The following XKR3 variants were observed in gnomAD, a reference collection of about 807,000 sequenced individuals.
The protein encoded by XKR3 is XK related 3, also known as XK-related protein 3.
In XKR3, 27 loss-of-function variants were observed where a neutral mutation model predicts 40.3. That is an observed-to-expected ratio of 0.67 (90% CI 0.49 to 0.92). The LOEUF (loss-of-function observed/expected upper bound fraction) is 0.92, where lower values mean the gene tolerates loss of function less well. Among genes scored for constraint, XKR3 ranks in the 40% least tolerant of loss-of-function variants. The probability of loss-of-function intolerance (pLI) is 0.00; values close to 1 mark genes in which losing one functional copy is unlikely to be tolerated. For synonymous variants in XKR3, 193 were observed against 195.4 expected (o/e 0.99, Z 0.10); for missense variants, 472 against 537.6 (o/e 0.88, Z 1.21).
intron 3 of XKR3, among the ~76,000 whole-genome samples, chr22:16,785,983 T>G (rs2060088650): frequency 6.6e-6 from 1 of 152,150 alleles, no homozygotes; most frequent in Non-Finnish European, 1.5e-5. Flanking sequence ...TCTAACACCA[T>G]TTAGAAAATG....
chr22:16,796,583 TA>T (rs1193272800), intron 3 of XKR3, among the ~76,000 whole-genome samples: 1 of 152,110 alleles, frequency 6.6e-6, no homozygotes, highest in Non-Finnish European at 1.5e-5. Context: ...GATCACCACA[TA>T]AACAGAATCA....
At chr22:16,798,162 A>C (rs1275672720) in intron 3 of XKR3, among the ~76,000 whole-genome samples, 1 of 149,570 alleles carries the variant, frequency 6.7e-6, no homozygotes, top group Non-Finnish European at 1.5e-5. Flanking sequence ...CCTTGGCAAC[A>C]AGAGTGAAAC....
chr22:16,819,214 G>A (rs1248788643), intron 1 of XKR3, among the ~76,000 whole-genome samples: 1 of 152,066 alleles, frequency 6.6e-6, no homozygotes. Context: ...ATCTTCCCCA[G>A]CTTGATCTAT....
chr22:16,820,221 A>G (rs1454661618), intron 1 of XKR3, among the ~76,000 whole-genome samples: 1 of 152,216 alleles, frequency 6.6e-6, no homozygotes, highest in African/African-American at 2.4e-5. Flanking sequence ...AGGCAACTCA[A>G]CTAAGAACAT....
At chr22:16,797,480 C>A (rs1454629231) in intron 3 of XKR3, among the ~76,000 whole-genome samples, 1 of 152,096 alleles carries the variant, frequency 6.6e-6, no homozygotes, top group Non-Finnish European at 1.5e-5. Flanking sequence ...AAGCACAAAA[C>A]AAATAACTCT....
chr22:16,805,151 A>T (rs887330854), intron 2 of XKR3, among the ~76,000 whole-genome samples: 7 of 152,212 alleles, frequency 4.6e-5, no homozygotes, highest in African/African-American at 1.7e-4. Flanking sequence ...AACTACCTCT[A>T]TTCAAGATGA....
intron 3 of XKR3, among the ~76,000 whole-genome samples, chr22:16,791,760 G>C (rs28838071): frequency 8.6e-6 from 1 of 115,638 alleles, no homozygotes; most frequent in African/African-American, 3.5e-5. Flanking sequence ...GGAGAGAGAG[G>C]GAGAGAGGGA....
chr22:16,784,775 T>A (rs2060083031), intron 3 of XKR3, among the ~76,000 whole-genome samples: 1 of 152,088 alleles, frequency 6.6e-6, no homozygotes, highest in African/African-American at 2.4e-5. Context: ...TAAAAAAAAA[T>A]ACCTGAATTA....
chr22:16,805,183 C>T (rs1239894798), intron 2 of XKR3, among the ~76,000 whole-genome samples: 1 of 152,080 alleles, frequency 6.6e-6, no homozygotes, highest in Non-Finnish European at 1.5e-5. Flanking sequence ...TACAGAAAAT[C>T]TGGAGGAATC....
intron 3 of XKR3, among the ~76,000 whole-genome samples, chr22:16,788,205 A>G (rs1376190578): frequency 6.6e-6 from 1 of 152,200 alleles, no homozygotes; most frequent in East Asian, 1.9e-4. Context: ...CAGTGAGTCA[A>G]TGAAGACATT....
intron 1 of XKR3, among the ~76,000 whole-genome samples, chr22:16,814,114 A>G (rs2060223715): frequency 6.6e-6 from 1 of 152,192 alleles, no homozygotes; most frequent in East Asian, 1.9e-4. Flanking sequence ...TGCGTAATCT[A>G]AGGTCACAAA....
At chr22:16,795,485 A>C (rs1002620000) in intron 3 of XKR3, among the ~76,000 whole-genome samples, 2 of 152,264 alleles carry the variant, frequency 1.3e-5, no homozygotes, top group Non-Finnish European at 2.9e-5. Flanking sequence ...TTAACTTTGC[A>C]CCTAAAAGAA....
intron 3 of XKR3, among the ~76,000 whole-genome samples, chr22:16,789,555 A>G (rs2060104944): frequency 6.6e-6 from 1 of 152,212 alleles, no homozygotes; most frequent in African/African-American, 2.4e-5. Flanking sequence ...TATCTATGCT[A>G]ATTGATTGGA....
intron 1 of XKR3, among the ~76,000 whole-genome samples, chr22:16,814,569 T>G (rs1210245097): frequency 6.6e-6 from 1 of 152,172 alleles, no homozygotes; most frequent in Non-Finnish European, 1.5e-5. Context: ...TTTGCGGTGT[T>G]GTCACTTAAT....
intron 3 of XKR3, among the ~76,000 whole-genome samples, chr22:16,785,787 G>A (rs1470377816): frequency 6.6e-6 from 1 of 152,074 alleles, no homozygotes; most frequent in East Asian, 1.9e-4. Context: ...GGCAGAGGTT[G>A]CAGTGAACCA....
intron 1 of XKR3, among the ~76,000 whole-genome samples, chr22:16,814,885 T>A (rs1292046004): frequency 3.3e-5 from 5 of 152,038 alleles, no homozygotes; most frequent in African/African-American, 1.2e-4. Context: ...GATCATGTCA[T>A]CTGCAAACAG....
intron 1 of XKR3, among the ~76,000 whole-genome samples, chr22:16,810,626 G>A (rs2060208607): frequency 6.6e-6 from 1 of 151,806 alleles, no homozygotes; most frequent in Non-Finnish European, 1.5e-5. Context: ...GTGATTTTTA[G>A]GGTATTCCCA....
Position 16,784,123 on chromosome 22 carries a change from G to T in XKR3, c.876C>A (p.Gly292=). Residue 292 remains glycine, a synonymous_variant, in exon 4 of 4, where the codon GGC becomes GGA. Transcript: ENST00000684488. The part of the protein sequence containing the change: ...EFWKSGAHLP[G]NKENNSNMVG... ...CCATATTGGAATTATTTTCTTTGTT[G>T]CCAGGAAGATGAGCTCCACTTTTCC... The T allele has an allele frequency of 1.2e-6, 2 of 1,614,120 alleles. No individual in the cohort carries two copies. The highest frequency in any genetic ancestry group is 8.5e-7 in the Non-Finnish European group (1 of 1,180,038).
chr22:16,809,004 T>C (rs910820855), intron 1 of XKR3, among the ~76,000 whole-genome samples: 5 of 152,230 alleles, frequency 3.3e-5, no homozygotes, highest in Non-Finnish European at 5.9e-5. Flanking sequence ...CCAGAAGACG[T>C]TGGTGGTTTT....
Sources: gnomAD v4.1 joint callset for allele counts (sites outside exome capture counted in the v4.1 genomes callset) on GRCh38, gnomAD v4.1.1 for gene constraint, MANE v1.5 for transcripts, NCBI Gene and HGNC (gene_info 2026-07-23, HGNC 2026-07-21) for gene names.